The following FBXL19 variants were observed in gnomAD, a reference collection of about 807,000 sequenced individuals.
The protein encoded by FBXL19 is F-box/LRR-repeat protein 19.
A neutral mutation model predicts 71.2 loss-of-function variants in FBXL19; 16 were observed. The observed-to-expected ratio is 0.22, with a 90% CI of 0.15 to 0.34. The LOEUF (loss-of-function observed/expected upper bound fraction) is 0.34. Ranked by LOEUF, FBXL19 falls within the 10% of genes least tolerant of loss-of-function variation. FBXL19 has a pLI of 1.00. For synonymous variants in FBXL19, 447 were observed against 409.4 expected (o/e 1.09, Z -1.11); for missense variants, 658 against 968.2 (o/e 0.68, Z 4.25).
In FBXL19 at chr16:30,942,139, C is replaced by G. The variant is rs2055809191; in HGVS notation, c.1325C>G (p.Pro442Arg). 1.3e-6 allele frequency: 2 copies of G among 1,594,790 alleles called. No individual in the cohort carries two copies. Among genetic ancestry groups the G allele is most frequent in the Admixed American group, 1.7e-5 (1 of 58,202 alleles). ...SRWCYDKRLWPRMDLSRRKSL... is the reference protein window; with the variant it reads ...SRWCYDKRLWRRMDLSRRKSL... ...AGGTGCTATGACAAGCGTCTGTGGC[C>G]TCGAATGGACCTGAGCCGGCGGAAG... The change falls in exon 8 of 11, where the codon CCT becomes CGT. Residue 442 changes from proline (P) to arginine (R), a missense_variant. Coordinates refer to ENST00000338343, the MANE Select transcript of FBXL19 (RefSeq NM_001382779.1). This position sits in a 1 kb window ranked among gnomAD's most constrained non-coding sequence, Gnocchi z 5.7.
intron 6 of FBXL19, among the ~76,000 whole-genome samples, chr16:30,929,416 A>G (rs1320090286): frequency 3.9e-5 from 6 of 152,208 alleles, no homozygotes; most frequent in Admixed American, 3.9e-4. Context: ...TGGTCCGTGT[A>G]GTGGATGATG....
upstream of FBXL19, chr16:30,923,012 T>C (rs1339587421): frequency 4.4e-6 from 2 of 456,816 alleles, no homozygotes; most frequent in Non-Finnish European, 4.4e-6. Flanking sequence ...CCATCGCACC[T>C]CGTAAGATCG....
Position 30,930,629 on chromosome 16 carries a change from C to G in FBXL19, c.1301+45C>G. On this transcript the variant is annotated intron_variant, in intron 7 of 10. Coordinates refer to ENST00000338343, the MANE Select transcript of FBXL19 (RefSeq NM_001382779.1). The surrounding 1 kb of genome is among the most constrained non-coding windows in gnomAD (Gnocchi z 8.5). ...CTGCGTTCCGTGGCCAGCAGGCTTCCCGCTTGCTGGGTGACCTGCGGTAGG... is the reference window on the plus strand; with the variant it reads ...CTGCGTTCCGTGGCCAGCAGGCTTCGCGCTTGCTGGGTGACCTGCGGTAGG... The G allele has an allele frequency of 7.1e-7, 1 of 1,401,574 alleles. No homozygotes were observed. The allele number at this position is 1,401,574 out of a possible 1,614,324, so 86.8% of individuals were successfully genotyped here.
At position 30,942,103 on chromosome 16, in the gene FBXL19, CT is replaced by C. The variant is rs1191657664; in HGVS notation, c.1302-12del. 1.9e-6 allele frequency: 3 copies of C among 1,556,738 alleles called. 1 individual carries two copies. The highest frequency in any genetic ancestry group is 3.7e-5 in the Admixed American group (2 of 54,242). ...GAGGGCTGAGGTCTCTGTCTCCCCC[CT>C]ATGGCCGCCAGGTGCTATGACAAGC... On this transcript the variant is annotated splice_polypyrimidine_tract_variant and intron_variant, in intron 7 of 10. Transcript: ENST00000338343. The surrounding 1 kb of genome is among the most constrained non-coding windows in gnomAD (Gnocchi z 5.7).
At chr16:30,931,446 A>G (rs568942826) in intron 7 of FBXL19, among the ~76,000 whole-genome samples, 2 of 152,310 alleles carry the variant, frequency 1.3e-5, no homozygotes, top group Admixed American at 1.3e-4. Context: ...GTTGCAGTAA[A>G]CGAGGCTATC....
intron 1 of FBXL19, 70 bp downstream of exon 1, chr16:30,924,529 C>G: frequency 9.3e-7 from 1 of 1,079,060 alleles, no homozygotes; most frequent in Non-Finnish European, 1.2e-6. Flanking sequence ...CTCAGCCCGG[C>G]CTCTCTCTAC....
intron 9 of FBXL19, among the ~76,000 whole-genome samples, chr16:30,945,719 C>A (rs1476420785): frequency 2.0e-5 from 3 of 148,102 alleles, no homozygotes; most frequent in African/African-American, 7.5e-5. Flanking sequence ...GGCCTGTAAT[C>A]CCAGCACTTT....
At chr16:30,924,540 CT>C in intron 1 of FBXL19, 81 bp downstream of exon 1, 1 of 1,222,018 alleles carries the variant, frequency 8.2e-7, no homozygotes, top group Non-Finnish European at 1.1e-6. Context: ...CTCTCTCTAC[CT>C]TCCCCGCCCC....
chr16:30,942,507 T>C lies in FBXL19; in HGVS notation c.1598T>C (p.Leu533Ser). Reference protein sequence around the residue: ...EDVKDSQLRELLLPPPDTKPG... With the variant: ...EDVKDSQLRESLLPPPDTKPG... ...GTTAAAGACTCCCAGCTCCGGGAGT[T>C]GCTGCTGCCTCCACCAGACACCAAA... The change falls in exon 9 of 11, where the codon TTG (leucine) becomes TCG (serine). Residue 533 changes from leucine to serine, a missense_variant. This residue lies in a region of FBXL19 where 21 missense variants were observed against 45.1 expected (regional missense o/e 0.47). Coordinates refer to ENST00000338343, the MANE Select transcript of FBXL19 (RefSeq NM_001382779.1). This position sits in a 1 kb window ranked among gnomAD's most constrained non-coding sequence, Gnocchi z 5.7. The C allele has an allele frequency of 6.3e-7, 1 of 1,594,372 alleles. No individual in the cohort carries two copies. The highest frequency in any genetic ancestry group is 8.5e-7 in the Non-Finnish European group (1 of 1,170,782).
At chr16:30,935,453 A>G (rs866293385) in intron 7 of FBXL19, among the ~76,000 whole-genome samples, 7 of 152,128 alleles carry the variant, frequency 4.6e-5, no homozygotes, top group Non-Finnish European at 1.0e-4. Flanking sequence ...TGAAGAGTGA[A>G]GAGTGGAGAG....
chr16:30,940,902 C>T (rs1436064557), intron 7 of FBXL19, among the ~76,000 whole-genome samples: 1 of 151,998 alleles, frequency 6.6e-6, no homozygotes, highest in Non-Finnish European at 1.5e-5. Context: ...AATTCCTGAC[C>T]TCATGATCCA....
intron 2 of FBXL19, 32 bp from the exon 3 acceptor site, chr16:30,927,276 C>T (rs752093184): frequency 2.2e-5 from 33 of 1,528,932 alleles, no homozygotes; most frequent in East Asian, 4.9e-5. Context: ...TGTTAGCTTT[C>T]GGGGCCCCTG....
chr16:30,934,572 C>T (rs1256497677), intron 7 of FBXL19, among the ~76,000 whole-genome samples: 1 of 151,956 alleles, frequency 6.6e-6, no homozygotes, highest in Non-Finnish European at 1.5e-5. Context: ...CCAGGAGAAT[C>T]GCTTGAACCC....
rs1037210746 is a variant in FBXL19, at chr16:30,925,133, G to A, written c.-24-598G>A. Among the ~76,000 whole-genome samples the A allele has an allele frequency of 2.0e-5, 3 of 152,108 alleles. No individual in the cohort carries two copies. Among genetic ancestry groups the A allele is most frequent in the Non-Finnish European group, 4.4e-5 (3 of 68,010 alleles). ...GGGGAGTTAGTGGGCAGAGGAGATC[G>A]TTAGGGACTTGGGGGCAAGGATCTC... On this transcript the variant is annotated intron_variant, in intron 1 of 10. Coordinates refer to ENST00000338343, the MANE Select transcript of FBXL19 (RefSeq NM_001382779.1). The surrounding 1 kb of genome is among the most constrained non-coding windows in gnomAD (Gnocchi z 5.0).
In FBXL19 at chr16:30,924,059, AG is replaced by A. The variant is rs2055559660; in HGVS notation, c.-422del. 1 of 62,296 alleles carries A rather than the reference AG, an allele frequency of 1.6e-5. No homozygotes were observed. The highest frequency in any genetic ancestry group is 6.3e-5 in the African/African-American group (1 of 15,754). 3.9% of individuals were successfully genotyped at this position (62,296 alleles called of 1,614,324 possible). A position where few individuals can be genotyped will look rare whatever the true frequency, so the allele number is the denominator to read the frequency against. ...TGGGGTCCGGGAAGGGGCCAGTTAA[AG>A]GGCCAGGGGCGCTGGGGAGAGGCGG... On this transcript the variant is annotated 5_prime_UTR_variant, in exon 1 of 11. Transcript: ENST00000338343.
At position 30,946,994 on chromosome 16, in the gene FBXL19, G is replaced by A. The variant is rs1287112491; in HGVS notation, c.1846+46G>A. ...GTCCTGCCAGCCTGTGGATCCCCAC[G>A]GCCAGTGCCAACCCCTTGCTCACCT... On this transcript the variant is annotated intron_variant, in intron 10 of 10. Coordinates refer to ENST00000338343, the MANE Select transcript of FBXL19 (RefSeq NM_001382779.1). This position sits in a 1 kb window ranked among gnomAD's most constrained non-coding sequence, Gnocchi z 6.7. 7.0e-6 allele frequency: 11 copies of A among 1,579,178 alleles called. No homozygotes were observed. The highest frequency in any genetic ancestry group is 1.8e-5 in the Admixed American group (1 of 55,228).
Position 30,947,829 on chromosome 16 carries a change from C to T in FBXL19, c.*599C>T. The T allele has an allele frequency of 2.2e-6, 1 of 448,624 alleles. No individual in the cohort carries two copies. Among genetic ancestry groups the T allele is most frequent in the East Asian group, 7.3e-5 (1 of 13,778 alleles). The allele number at this position is 448,624 out of a possible 1,614,324, so 27.8% of individuals were successfully genotyped here. A position where few individuals can be genotyped will look rare whatever the true frequency, so the allele number is the denominator to read the frequency against. ...CAATACCCCCTTGGGGGTCACCTCT[C>T]TGCTTCCCCCCTCCCCAGGCTTCAG... is the stretch of plus-strand genomic sequence containing the variant. On this transcript the variant is annotated 3_prime_UTR_variant, in exon 11 of 11. Coordinates refer to ENST00000338343, the MANE Select transcript of FBXL19 (RefSeq NM_001382779.1).
chr16:30,935,737 T>C (rs549279744), intron 7 of FBXL19, among the ~76,000 whole-genome samples: 1 of 152,164 alleles, frequency 6.6e-6, no homozygotes, highest in African/African-American at 2.4e-5. Context: ...TCCCGGGGGC[T>C]TCTGCAAGAG....
intron 7 of FBXL19, among the ~76,000 whole-genome samples, chr16:30,937,444 T>C (rs892285331): frequency 6.6e-6 from 1 of 152,124 alleles, no homozygotes; most frequent in Non-Finnish European, 1.5e-5. Flanking sequence ...TACTGCGGAC[T>C]GTCCATGTCT....
Sources: allele counts gnomAD v4.1 joint callset (sites outside exome capture counted in the v4.1 genomes callset), GRCh38; gene constraint gnomAD v4.1.1; regional missense constraint gnomAD v4.1.1; non-coding constraint Gnocchi (gnomAD v3.1); transcripts MANE v1.5; gene names NCBI Gene and HGNC (gene_info 2026-07-23, HGNC 2026-07-21).